Variants in MOV10L1 observed in about 807,000 individuals in gnomAD.
MOV10L1 encodes the protein Mov10 like RNA helicase 1.
A neutral mutation model predicts 143.8 loss-of-function variants in MOV10L1; 110 were observed. That is an observed-to-expected ratio of 0.76 (90% CI 0.66 to 0.90). The LOEUF (loss-of-function observed/expected upper bound fraction) is 0.90. Among genes scored for constraint, MOV10L1 ranks in the 40% least tolerant of loss-of-function variants. The pLI is 0.00. For synonymous variants in MOV10L1, 593 were observed against 581.1 expected (o/e 1.02, Z -0.29); for missense variants, 1,406 against 1,526.8 (o/e 0.92, Z 1.32).
chr22:50,153,887 G>A (rs1284070422), intron 22 of MOV10L1, among the ~76,000 whole-genome samples: 3 of 152,224 alleles, frequency 2.0e-5, no homozygotes, highest in African/African-American at 4.8e-5. Context: ...GGCTGCACCC[G>A]GGCCACACGG....
intron 2 of MOV10L1, 61 bp from the exon 3 acceptor site, chr22:50,099,382 T>C: frequency 1.6e-5 from 25 of 1,569,770 alleles, no homozygotes; most frequent in Non-Finnish European, 2.2e-5. Flanking sequence ...CATGCCAGCC[T>C]GTAGTTTGCT....
At chr22:50,153,706 C>G (rs538924789) in intron 22 of MOV10L1, among the ~76,000 whole-genome samples, 1 of 152,226 alleles carries the variant, frequency 6.6e-6, no homozygotes, top group African/African-American at 2.4e-5. Flanking sequence ...GCCACCACCC[C>G]CTCTCCAAGG....
intron 6 of MOV10L1, 71 bp downstream of exon 6, chr22:50,113,859 T>C: frequency 1.5e-6 from 2 of 1,329,484 alleles, no homozygotes; most frequent in Non-Finnish European, 2.0e-6. Flanking sequence ...CAATAATTTC[T>C]GTAAAACCAA....
At chr22:50,130,770 G>A (rs979918724) in intron 13 of MOV10L1, among the ~76,000 whole-genome samples, 2 of 152,186 alleles carry the variant, frequency 1.3e-5, no homozygotes, top group Admixed American at 6.5e-5. Context: ...GACTGCAGCC[G>A]ACGTCCAGGC....
chr22:50,132,452 C>G (rs990225637), intron 13 of MOV10L1, among the ~76,000 whole-genome samples: 2 of 152,090 alleles, frequency 1.3e-5, no homozygotes, highest in African/African-American at 4.8e-5. Context: ...AAGGGTATGT[C>G]TCTCCATTTA....
rs1046912216 is a variant in MOV10L1, at chr22:50,152,615, G to T, written c.2893-430G>T. On this transcript the variant is annotated intron_variant, in intron 21 of 26. Coordinates refer to ENST00000262794, the MANE Select transcript of MOV10L1 (RefSeq NM_018995.3). This position sits in a 1 kb window ranked among gnomAD's most constrained non-coding sequence, Gnocchi z 4.4. ...GTGTCTATGCTCTCCTGGCCCAGGGGCCCAGGAGCTCTTCCTTCCCTGTGG... is the reference window on the plus strand; with the variant it reads ...GTGTCTATGCTCTCCTGGCCCAGGGTCCCAGGAGCTCTTCCTTCCCTGTGG... 6.6e-6 allele frequency among the ~76,000 whole-genome samples: 1 copy of T among 152,164 alleles called. No individual in the cohort carries two copies. Among genetic ancestry groups the T allele is most frequent in the Non-Finnish European group, 1.5e-5 (1 of 68,024 alleles).
chr22:50,139,274 A>G lies in MOV10L1; in HGVS notation c.2071-2807A>G, dbSNP rs1602297644. On this transcript the variant is annotated intron_variant, in intron 15 of 26. Transcript: ENST00000262794. ...TAGCCGCAATGTCAAGCCTAAAACT[A>G]TGCATCTAGGAAACAGCATAGAAGA... is the stretch of plus-strand genomic sequence containing the variant. Among the ~76,000 whole-genome samples the G allele has an allele frequency of 2.6e-5, 4 of 152,142 alleles. No individual in the cohort carries two copies. The East Asian group carries it at 7.8e-4, about 30-fold the overall frequency.
chr22:50,127,041 T>C (rs891287865), intron 12 of MOV10L1, among the ~76,000 whole-genome samples: 1 of 152,146 alleles, frequency 6.6e-6, no homozygotes, highest in Non-Finnish European at 1.5e-5. Flanking sequence ...TGTAATGAAT[T>C]AGGCCATCGC....
Position 50,142,982 on chromosome 22 carries a change from G to A in MOV10L1, c.2180-61G>A, listed in dbSNP as rs529649911. On this transcript the variant is annotated intron_variant, in intron 16 of 26. Transcript: ENST00000262794. ...GCTGACGCCTGACCTAGGTGAGGAC[G>A]TGTCCACAGCTGTTGAGAGCTGTTT... 154 of 1,518,114 alleles carry A rather than the reference G, an allele frequency of 1.0e-4. 1 individual carries two copies. In the South Asian group the frequency reaches 1.6e-3, roughly 16 times the overall value. 94.0% of individuals were successfully genotyped at this position (1,518,114 alleles called of 1,614,324 possible).
At chr22:50,095,338 A>G (rs2062562196) in intron 2 of MOV10L1, 1 of 152,220 alleles carries the variant, frequency 6.6e-6, no homozygotes, top group Non-Finnish European at 1.5e-5. Context: ...ATGGACTTCC[A>G]TCATCAGAGA....
intron 22 of MOV10L1, among the ~76,000 whole-genome samples, chr22:50,155,489 G>A (rs1019439916): frequency 6.6e-6 from 1 of 151,794 alleles, no homozygotes; most frequent in Non-Finnish European, 1.5e-5. Context: ...TATCTGTTTT[G>A]TTTTGAGACA....
chr22:50,094,292 A>T (rs139787708), intron 2 of MOV10L1: 2 of 152,144 alleles, frequency 1.3e-5, no homozygotes, highest in Admixed American at 1.3e-4. Flanking sequence ...TAGGTCCTGT[A>T]AATTTCTTAC....
At position 50,090,721 on chromosome 22, in the gene MOV10L1, G is replaced by T. The variant is rs1042032493; in HGVS notation, c.97+536G>T. On this transcript the variant is annotated intron_variant, in intron 1 of 26. Transcript: ENST00000262794. Reference sequence around the variant, plus strand: ...GACGGAGTTTCGCTCTTGTTGCCCAGGCTGGAGTGCAGTGGCGCAATCTCG... The same window carrying T: ...GACGGAGTTTCGCTCTTGTTGCCCATGCTGGAGTGCAGTGGCGCAATCTCG... 9.9e-5 allele frequency: 63 copies of T among 634,040 alleles called. No individual in the cohort carries two copies. The African/African-American group carries it at 1.0e-3, about 10-fold the overall frequency. The allele number at this position is 634,040 out of a possible 1,614,324, so 39.3% of individuals were successfully genotyped here.
intron 19 of MOV10L1, among the ~76,000 whole-genome samples, chr22:50,147,844 C>T (rs1479711279): frequency 6.6e-6 from 1 of 152,232 alleles, no homozygotes; most frequent in Non-Finnish European, 1.5e-5. Flanking sequence ...TTGCTGATTT[C>T]CACATCTTTC....
At chr22:50,135,254 C>T (rs1371816048) in intron 15 of MOV10L1, among the ~76,000 whole-genome samples, 1 of 151,768 alleles carries the variant, frequency 6.6e-6, no homozygotes, top group Non-Finnish European at 1.5e-5. Context: ...TCTTGTGATC[C>T]ACCCTCCTCG....
intron 13 of MOV10L1, among the ~76,000 whole-genome samples, chr22:50,131,063 A>ATT (rs3041370): frequency 4.5e-4 from 58 of 128,110 alleles, no homozygotes; most frequent in Admixed American, 8.0e-4. Context: ...CGCCCGGCTA[A>ATT]TTTTTTTTTT....
At chr22:50,112,498 G>C (rs2062051996) in intron 5 of MOV10L1, among the ~76,000 whole-genome samples, 1 of 152,216 alleles carries the variant, frequency 6.6e-6, no homozygotes. Context: ...GGCCGCTAAG[G>C]AGACAGCACA....
chr22:50,160,207 C>T (rs1490350498), intron 24 of MOV10L1, among the ~76,000 whole-genome samples: 1 of 150,970 alleles, frequency 6.6e-6, no homozygotes, highest in Non-Finnish European at 1.5e-5. Flanking sequence ...GCCCTTCCTC[C>T]TCCCCCTTCT....
chr22:50,151,300 A>G (rs986082908), intron 21 of MOV10L1, among the ~76,000 whole-genome samples: 2 of 152,162 alleles, frequency 1.3e-5, no homozygotes, highest in Admixed American at 1.3e-4. Context: ...TGGGATTTGC[A>G]TCTTTGGAGC....
Sources: allele counts gnomAD v4.1 joint callset (sites outside exome capture counted in the v4.1 genomes callset), GRCh38; gene constraint gnomAD v4.1.1; non-coding constraint Gnocchi (gnomAD v3.1); transcripts MANE v1.5; gene names NCBI Gene and HGNC (gene_info 2026-07-23, HGNC 2026-07-21).